The following ANKRD30B variants were observed in gnomAD, a reference collection of about 807,000 sequenced individuals.
ANKRD30B encodes the protein ankyrin repeat domain 30B.
Under a neutral mutation model 202.2 loss-of-function variants are expected in ANKRD30B, and 144 were observed. That is an observed-to-expected ratio of 0.71 (90% CI 0.62 to 0.82). ANKRD30B has a LOEUF of 0.82. ANKRD30B is among the 40% of genes least tolerant of loss of function. ANKRD30B has a pLI of 0.00. For synonymous variants in ANKRD30B, 508 were observed against 561.3 expected, an observed-to-expected ratio of 0.91 and a Z score of 1.34; for missense variants, 1,487 against 1,669.1, an observed-to-expected ratio of 0.89 and a Z score of 1.90.
intron 9 of ANKRD30B, among the ~76,000 whole-genome samples, chr18:14,774,838 A>T (rs76091666): frequency 6.6e-6 from 1 of 152,002 alleles, no homozygotes; most frequent in Non-Finnish European, 1.5e-5. Flanking sequence ...AAAAAAAAAA[A>T]ATCTAAGGGC....
chr18:14,899,803 CTT>C, the ANKRD30B span, among the ~76,000 whole-genome samples: 2 of 152,092 alleles, frequency 1.3e-5, no homozygotes, highest in Non-Finnish European at 2.9e-5. Context: ...CTTCTAATAA[CTT>C]ATATTTAACT....
the ANKRD30B span, among the ~76,000 whole-genome samples, chr18:14,934,606 G>A: frequency 1.3e-5 from 2 of 152,170 alleles, no homozygotes; most frequent in Non-Finnish European, 2.9e-5. Flanking sequence ...GGGATGAAAT[G>A]CACTGGAGAG....
chr18:14,933,754 A>G, the ANKRD30B span, among the ~76,000 whole-genome samples: 1 of 147,614 alleles, frequency 6.8e-6, no homozygotes, highest in South Asian at 2.2e-4. Flanking sequence ...TTTGACTCAG[A>G]GGAGGTGAAC....
intron 5 of ANKRD30B, among the ~76,000 whole-genome samples, chr18:14,759,688 G>A (rs1914946202): frequency 6.6e-6 from 1 of 152,150 alleles, no homozygotes; most frequent in South Asian, 2.1e-4. Flanking sequence ...TGCCCTTGGT[G>A]TGATTGATGA....
chr18:14,750,399 G>C (rs1283115224), intron 1 of ANKRD30B, among the ~76,000 whole-genome samples: 1 of 152,114 alleles, frequency 6.6e-6, no homozygotes, highest in African/African-American at 2.4e-5. Context: ...TTCCTGGTTA[G>C]AGAAGGCATT....
chr18:14,781,462 T>A (rs1173382191), intron 11 of ANKRD30B, among the ~76,000 whole-genome samples: 1 of 151,954 alleles, frequency 6.6e-6, no homozygotes, highest in Non-Finnish European at 1.5e-5. Flanking sequence ...GCCCAGCTAA[T>A]TTTTTTGCAT....
At chr18:14,860,907 G>A in the ANKRD30B span, among the ~76,000 whole-genome samples, 2 of 152,018 alleles carry the variant, frequency 1.3e-5, no homozygotes, top group African/African-American at 4.8e-5. Flanking sequence ...CTTCATGTTG[G>A]CCAGGCTGGT....
intron 14 of ANKRD30B, among the ~76,000 whole-genome samples, chr18:14,786,513 T>C (rs1328251204): frequency 2.6e-5 from 4 of 152,190 alleles, no homozygotes; most frequent in Non-Finnish European, 4.4e-5. Flanking sequence ...ACACACCCAA[T>C]ACACTGTCAT....
the ANKRD30B span, among the ~76,000 whole-genome samples, chr18:14,926,490 G>C: frequency 1.1e-4 from 17 of 152,180 alleles, no homozygotes; most frequent in Non-Finnish European, 2.4e-4. Context: ...TTGTCAAGGT[G>C]AGACAGGGCC....
chr18:14,837,636 T>G lies in ANKRD30B; in HGVS notation c.2948T>G (p.Leu983Ter). 1 of 1,537,604 alleles carries G rather than the reference T, an allele frequency of 6.5e-7. No homozygotes were observed. The highest frequency in any genetic ancestry group is 1.2e-5 in the South Asian group (1 of 81,254). Residue 983 changes from leucine (L) to a stop codon, truncating the protein, a stop_gained, in exon 36 of 44, where the codon TTA (leucine) becomes TGA (stop). Transcript: ENST00000690538. LOFTEE classifies it high-confidence loss of function. ...DQTNKMPTSE[L>*]GRKEDTKSTS... ...GTAGATAAGATGCCCACATCAGAATTAGGAAGAAAAGAAGATACAAAATCA... is the reference window on the plus strand; with the variant it reads ...GTAGATAAGATGCCCACATCAGAATGAGGAAGAAAAGAAGATACAAAATCA...
the ANKRD30B span, among the ~76,000 whole-genome samples, chr18:14,880,108 A>G: frequency 6.6e-6 from 1 of 151,986 alleles, no homozygotes; most frequent in Non-Finnish European, 1.5e-5. Context: ...TGGCTCGCCA[A>G]TTATCCCAAC....
the ANKRD30B span, among the ~76,000 whole-genome samples, chr18:14,861,786 C>A: frequency 2.6e-5 from 4 of 152,098 alleles, no homozygotes; most frequent in Non-Finnish European, 4.4e-5. Flanking sequence ...ACCAAACAGA[C>A]CTAATAGATA....
chr18:14,856,105 A>G (rs1972100769), downstream of ANKRD30B, among the ~76,000 whole-genome samples: 2 of 133,176 alleles, frequency 1.5e-5, no homozygotes, highest in East Asian at 2.1e-4. Flanking sequence ...GGCGCTCCTC[A>G]CCTCCCAGAC....
intron 33 of ANKRD30B, 37 bp downstream of exon 33, chr18:14,828,345 C>A (rs190959328): frequency 2.1e-6 from 3 of 1,412,758 alleles, no homozygotes; most frequent in Non-Finnish European, 2.9e-6. Context: ...TATATGTTAA[C>A]TCAGAAAATA....
At position 14,821,340 on chromosome 18, in the gene ANKRD30B, C is replaced by G. The variant is rs1056236485; in HGVS notation, c.2642-1143C>G. 2.0e-4 allele frequency among the ~76,000 whole-genome samples: 30 copies of G among 151,868 alleles called. No individual in the cohort carries two copies. In the East Asian group the frequency reaches 2.7e-3, roughly 14 times the overall value. On this transcript the variant is annotated intron_variant, in intron 30 of 43. Transcript: ENST00000690538. The stretch of plus-strand genomic sequence containing the variant: ...CTCCTGGATTCATTAATTTTTTGAA[C>G]GGTTTTTTGTGTCTCTATTTCCTTC...
chr18:14,749,568 G>A (rs769533623), intron 1 of ANKRD30B, among the ~76,000 whole-genome samples: 1 of 150,518 alleles, frequency 6.6e-6, no homozygotes. Flanking sequence ...CTACTTGGGA[G>A]GCTGAGGCGG....
At chr18:14,862,903 T>C in the ANKRD30B span, among the ~76,000 whole-genome samples, 2 of 152,256 alleles carry the variant, frequency 1.3e-5, no homozygotes, top group Non-Finnish European at 2.9e-5. Context: ...TTTGCCCTAC[T>C]GGGTTTCAGA....
At chr18:14,799,347 T>G (rs947382919) in intron 22 of ANKRD30B, 52 bp downstream of exon 22, 37 of 1,425,440 alleles carry the variant, frequency 2.6e-5, no homozygotes, top group Non-Finnish European at 3.3e-5. Flanking sequence ...TTAAACTATT[T>G]GAAATGCTGA....
Position 14,777,262 on chromosome 18 carries a change from A to C in ANKRD30B, c.1330-723A>C, listed in dbSNP as rs866630232. ...GGTTTTCAATATGTGAACAGCTTTA[A>C]ATCTAATTGCCTTTAAAGTTAAAAA... On this transcript the variant is annotated intron_variant, in intron 9 of 43. Transcript: ENST00000690538. Among the ~76,000 whole-genome samples, 12 of 152,092 alleles carry C rather than the reference A, an allele frequency of 7.9e-5. No homozygotes were observed. In the South Asian group the frequency reaches 1.5e-3, roughly 18 times the overall value.
Sources: allele counts gnomAD v4.1 joint callset (sites outside exome capture counted in the v4.1 genomes callset), GRCh38; gene constraint gnomAD v4.1.1; transcripts MANE v1.5; gene names NCBI Gene and HGNC (gene_info 2026-07-23, HGNC 2026-07-21).